LPIN1: variants seen among roughly 807,000 people sequenced by gnomAD.
LPIN1 encodes the protein lipin 1, also known as phosphatidate phosphatase LPIN1.
Under a neutral mutation model 107.5 loss-of-function variants are expected in LPIN1, and 71 were observed. The ratio of observed to expected loss-of-function variants is 0.66; its 90% confidence interval spans 0.55 to 0.80. The LOEUF (loss-of-function observed/expected upper bound fraction) is 0.80. LPIN1 is among the 30% of genes least tolerant of loss of function. The pLI, the probability that LPIN1 is intolerant of heterozygous loss-of-function variation, is 0.00. For missense variants in LPIN1, 1,043 were observed against 1,160.6 expected, an observed-to-expected ratio of 0.90 and a Z score of 1.47; for synonymous variants, 445 against 452.6, an observed-to-expected ratio of 0.98 and a Z score of 0.21.
Position 11,774,217 on chromosome 2 carries a change from A to G in LPIN1, c.722+472A>G, listed in dbSNP as rs1004137665. ...TGAACTCACAAGTTGCCCTAGAGGAAAACTTGGAGAACTAGAGCTGCTCAC... is the reference window on the plus strand; with the variant it reads ...TGAACTCACAAGTTGCCCTAGAGGAGAACTTGGAGAACTAGAGCTGCTCAC... On this transcript the variant is annotated intron_variant, in intron 5 of 20. Coordinates refer to ENST00000674199, the MANE Select transcript of LPIN1 (RefSeq NM_001349206.2). The surrounding 1 kb of genome is among the most constrained non-coding windows in gnomAD (Gnocchi z 4.4). Among the ~76,000 whole-genome samples, 7 of 152,220 alleles carry G rather than the reference A, an allele frequency of 4.6e-5. No individual in the cohort carries two copies. The highest frequency in any genetic ancestry group is 7.2e-5 in the African/African-American group (3 of 41,448).
At chr2:11,761,905 A>G (rs929859470) in intron 1 of LPIN1, among the ~76,000 whole-genome samples, 3 of 152,184 alleles carry the variant, frequency 2.0e-5, no homozygotes, top group Non-Finnish European at 4.4e-5. Context: ...CACGCCAAGC[A>G]GTTCTCCAGC....
rs552672759 is a variant in LPIN1, at chr2:11,730,332, G to A, written c.-72+5793G>A. On this transcript the variant is annotated intron_variant, in intron 1 of 21. Transcript: ENST00000396097. ...TTTGTTTCTGACATTTTGACTTGGT[G>A]CTTCCAGTTCTCTCCATGTCTCCTG... 8.5e-5 allele frequency among the ~76,000 whole-genome samples: 13 copies of A among 152,278 alleles called. No homozygotes were observed. The South Asian group carries it at 2.7e-3, about 32-fold the overall frequency.
intron 1 of LPIN1, among the ~76,000 whole-genome samples, chr2:11,705,056 C>T (rs1243512374): frequency 1.3e-5 from 2 of 152,220 alleles, no homozygotes; most frequent in Admixed American, 1.3e-4. Context: ...CATGAAGCCC[C>T]TTGAGGGCTA....
upstream of LPIN1, chr2:11,746,608 C>A (rs865947623): frequency 7.1e-6 from 7 of 985,068 alleles, no homozygotes; most frequent in Middle Eastern, 2.6e-3. Context: ...AGGCGAGCTG[C>A]GCTGACAGCC....
In LPIN1 at chr2:11,826,499, G is replaced by A. The variant is rs142740836; in HGVS notation, c.*1708G>A. The A allele has an allele frequency of 1.0e-4, 12 of 114,630 alleles. No homozygotes were observed. The highest frequency in any genetic ancestry group is 3.4e-4 in the Admixed American group (3 of 8,792). 7.1% of individuals were successfully genotyped at this position (114,630 alleles called of 1,614,324 possible). ...ACTGCACTCCAGCCTGGGTGACAGA[G>A]TAAGACTCCATGTCAAAAAAAAAAA... On this transcript the variant is annotated 3_prime_UTR_variant, in exon 21 of 21. Transcript: ENST00000674199.
chr2:11,779,403 G>T, intron 6 of LPIN1, 116 bp from the exon 7 acceptor site: 1 of 1,133,804 alleles, frequency 8.8e-7, no homozygotes, highest in Non-Finnish European at 1.3e-6. Flanking sequence ...GCTCCGCTCA[G>T]AGCGAACGAC....
At chr2:11,677,733 GGGCC>G in intron 1 of LPIN1, 1 of 1,535,426 alleles carries the variant, frequency 6.5e-7, no homozygotes, top group East Asian at 2.4e-5. Flanking sequence ...TCATGGGTAA[GGGCC>G]GGCCATGTGG....
chr2:11,773,916 G>A (rs1672267777), intron 5 of LPIN1, among the ~76,000 whole-genome samples, 171 bp downstream of exon 5: 1 of 152,226 alleles, frequency 6.6e-6, no homozygotes, highest in Admixed American at 6.5e-5. Flanking sequence ...AACATGTTCA[G>A]ATCATACACT....
chr2:11,704,285 T>C (rs545576761), intron 1 of LPIN1, among the ~76,000 whole-genome samples: 1 of 152,360 alleles, frequency 6.6e-6, no homozygotes, highest in South Asian at 2.1e-4. Context: ...ATCTTTAATC[T>C]AATATATGCA....
intron 1 of LPIN1, among the ~76,000 whole-genome samples, chr2:11,690,527 A>G (rs1662216654): frequency 6.6e-6 from 1 of 152,216 alleles, no homozygotes; most frequent in South Asian, 2.1e-4. Context: ...ATTCTCAAAC[A>G]TCTTTTCAAC....
chr2:11,823,938 GGTCTCTTGACC>G (rs1410234721), intron 20 of LPIN1, among the ~76,000 whole-genome samples: 1 of 152,118 alleles, frequency 6.6e-6, no homozygotes, highest in African/African-American at 2.4e-5. Context: ...GGAGAGCCCG[GGTCTCTTGACC>G]GTCATGCCAA....
upstream of LPIN1, chr2:11,745,085 C>T (rs1476565168): frequency 2.6e-5 from 4 of 152,262 alleles, no homozygotes; most frequent in African/African-American, 4.8e-5. Context: ...CTGCCGCATT[C>T]GATGCTGTTT....
intron 1 of LPIN1, among the ~76,000 whole-genome samples, chr2:11,750,958 G>A (rs893896015): frequency 1.3e-5 from 2 of 152,232 alleles, no homozygotes; most frequent in Non-Finnish European, 2.9e-5. Context: ...AAAGTGCGTA[G>A]AGAGAATGTG....
chr2:11,795,536 A>G (rs370963866), intron 14 of LPIN1, 49 bp downstream of exon 14: 118 of 1,512,662 alleles, frequency 7.8e-5, no homozygotes, highest in Admixed American at 1.3e-4. Context: ...TCCGCATCCA[A>G]GTTCATGGCG....
chr2:11,714,977 G>C (rs934900699), intron 2 of LPIN1, among the ~76,000 whole-genome samples: 6 of 152,234 alleles, frequency 3.9e-5, no homozygotes, highest in African/African-American at 1.4e-4. Context: ...GCCTGGCCTG[G>C]GCACTCTGTG....
chr2:11,782,050 T>A (rs1326852674), intron 7 of LPIN1, 151 bp from the exon 8 acceptor site: 2 of 664,664 alleles, frequency 3.0e-6, no homozygotes, highest in Non-Finnish European at 5.3e-6. Flanking sequence ...TCTGGACTTT[T>A]TGGCAGGTAT....
chr2:11,747,766 G>T (rs985722041), intron 1 of LPIN1, among the ~76,000 whole-genome samples: 2 of 152,268 alleles, frequency 1.3e-5, no homozygotes, highest in African/African-American at 2.4e-5. Context: ...TTGTTGAAAG[G>T]TGTAACAGTT....
chr2:11,771,266 A>G lies in LPIN1; in HGVS notation c.289-106A>G, dbSNP rs1671793623. On this transcript the variant is annotated intron_variant, in intron 3 of 20. Transcript: ENST00000674199. This position sits in a 1 kb window ranked among gnomAD's most constrained non-coding sequence, Gnocchi z 4.8. ...TGGGCCATCTGCTGTGGCCCTCCCC[A>G]GGAGGTGCTTGGCCTCTGAAGTGAA... 3 of 1,112,826 alleles carry G rather than the reference A, an allele frequency of 2.7e-6. No homozygotes were observed. In the Admixed American group the frequency reaches 5.5e-5, roughly 21 times the overall value. 68.9% of individuals were successfully genotyped at this position (1,112,826 alleles called of 1,614,324 possible).
intron 1 of LPIN1, among the ~76,000 whole-genome samples, chr2:11,761,301 C>T (rs569036852): frequency 4.6e-5 from 7 of 152,328 alleles, no homozygotes; most frequent in African/African-American, 1.7e-4. Context: ...CATCCCACTG[C>T]ACCTTTTTTG....
Sources: gnomAD v4.1 joint callset for allele counts (sites outside exome capture counted in the v4.1 genomes callset) on GRCh38, gnomAD v4.1.1 for gene constraint, Gnocchi (gnomAD v3.1) non-coding constraint, MANE v1.5 for transcripts, NCBI Gene and HGNC (gene_info 2026-07-23, HGNC 2026-07-21) for gene names.